Variants in FANCA observed in about 807,000 individuals in gnomAD.
FANCA encodes Fanconi anemia group A protein.
A neutral mutation model predicts 194.3 loss-of-function variants in FANCA; 236 were observed. The observed-to-expected ratio is 1.21, with a 90% CI of 1.09 to 1.35. The LOEUF (loss-of-function observed/expected upper bound fraction) is 1.35. FANCA is among the 40% of genes most tolerant of loss of function. The pLI, the probability that FANCA is intolerant of heterozygous loss-of-function variation, is 0.00. For missense variants in FANCA, 2,628 were observed against 1,813.9 expected, an observed-to-expected ratio of 1.45 and a Z score of -8.15; for synonymous variants, 1,014 against 715.8, an observed-to-expected ratio of 1.42 and a Z score of -6.65.
At position 89,785,853 on chromosome 16, in the gene FANCA, G is replaced by GTTTTTTT. The variant is rs370594051; in HGVS notation, c.1360-890_1360-889insAAAAAAA. Among the ~76,000 whole-genome samples the GTTTTTTT allele has an allele frequency of 2.4e-3, 277 of 113,138 alleles. 35 individuals carry two copies. Among genetic ancestry groups the GTTTTTTT allele is most frequent in the African/African-American group, 6.0e-3 (165 of 27,422 alleles). 74.2% of individuals were successfully genotyped at this position (113,138 alleles called of 152,430 possible). ...TCTTTCTGAAAGCGTGCAAAATTGT[G>GTTTTTTT]TTTTGTTTTTTTTTTTTTGGAGACA... On this transcript the variant is annotated intron_variant, in intron 14 of 42. Coordinates refer to ENST00000389301, the MANE Select transcript of FANCA (RefSeq NM_000135.4).
chr16:89,808,973 T>A (rs1166197671), intron 5 of FANCA, among the ~76,000 whole-genome samples: 1 of 151,900 alleles, frequency 6.6e-6, no homozygotes, highest in Non-Finnish European at 1.5e-5. Context: ...TGGCGCCATC[T>A]CGGGTCACTG....
chr16:89,798,611 C>T, intron 10 of FANCA: 11 of 1,159,744 alleles, frequency 9.5e-6, no homozygotes, highest in Non-Finnish European at 1.1e-5. Flanking sequence ...TGTCCACCTT[C>T]CACCCAGCCC....
At chr16:89,778,433 T>C (rs1255741219) in intron 20 of FANCA, 5 of 315,694 alleles carry the variant, frequency 1.6e-5, no homozygotes, top group Non-Finnish European at 2.9e-5. Flanking sequence ...GCAATTGCAC[T>C]CCAGCCTGGG....
intron 27 of FANCA, among the ~76,000 whole-genome samples, chr16:89,765,865 T>G (rs1253503530): frequency 6.6e-6 from 1 of 152,226 alleles, no homozygotes; most frequent in African/African-American, 2.4e-5. Context: ...TGGAAATACG[T>G]GCACCCTGGA....
chr16:89,746,491 C>T (rs1326964773), intron 35 of FANCA, 93 bp downstream of exon 35: 9 of 994,996 alleles, frequency 9.0e-6, no homozygotes, highest in South Asian at 1.3e-5. Flanking sequence ...TGGTAACACC[C>T]GTGATGGAGA....
At chr16:89,761,909 G>A (rs1232315075) in intron 29 of FANCA, 40 bp downstream of exon 29, 2 of 1,508,848 alleles carry the variant, frequency 1.3e-6, no homozygotes, top group African/African-American at 1.4e-5. Context: ...ATAGGTGTGA[G>A]CCATCATGCC....
rs1247134889 is a variant in FANCA at position 89,816,478 on chromosome 16, C to T, written c.79+59G>A. 8 of 1,403,204 alleles carry T rather than the reference C, an allele frequency of 5.7e-6. No individual in the cohort carries two copies. In the Admixed American group the frequency reaches 8.3e-5, roughly 15 times the overall value. 86.9% of individuals were successfully genotyped at this position (1,403,204 alleles called of 1,614,324 possible). ...CTCTGGCGGGAAGGGATCGGGGAAC[C>T]GGCGAAACCGTCCCGGGCCGGACGC... On this transcript the variant is annotated intron_variant, in intron 1 of 42. Transcript: ENST00000389301.
chr16:89,815,853 A>G (rs575724239), intron 2 of FANCA, 24 bp downstream of exon 2: 7 of 1,564,284 alleles, frequency 4.5e-6, no homozygotes, highest in South Asian at 1.1e-5. Context: ...ATCTGCCCGC[A>G]GACGGACACC....
At chr16:89,793,986 G>A (rs945746793) in intron 11 of FANCA, among the ~76,000 whole-genome samples, 9 of 151,988 alleles carry the variant, frequency 5.9e-5, no homozygotes, top group Non-Finnish European at 1.2e-4. Flanking sequence ...TTCTGACCTC[G>A]TGACCTGCCC....
Position 89,799,706 on chromosome 16 carries a change from C to T in FANCA, c.793-68G>A. ...TAATTTGTGTGATACCTGCATCACACAAGAGAATTATTACTTGTTACTCTA... is the reference window on the plus strand; with the variant it reads ...TAATTTGTGTGATACCTGCATCACATAAGAGAATTATTACTTGTTACTCTA... On this transcript the variant is annotated intron_variant, in intron 8 of 42. Transcript: ENST00000389301. 6.2e-6 allele frequency: 8 copies of T among 1,296,046 alleles called. No individual in the cohort carries two copies. The South Asian group carries it at 9.5e-5, about 15-fold the overall frequency. 80.3% of individuals were successfully genotyped at this position (1,296,046 alleles called of 1,614,324 possible). A position where few individuals can be genotyped will look rare whatever the true frequency, so the allele number is the denominator to read the frequency against.
chr16:89,749,466 A>T (rs548551982), intron 32 of FANCA, among the ~76,000 whole-genome samples: 1 of 152,134 alleles, frequency 6.6e-6, no homozygotes, highest in Non-Finnish European at 1.5e-5. Context: ...ACCTCAGGTG[A>T]TCCACTCACC....
At chr16:89,812,216 G>T (rs2040912114) in intron 3 of FANCA, among the ~76,000 whole-genome samples, 1 of 151,782 alleles carries the variant, frequency 6.6e-6, no homozygotes, top group Non-Finnish European at 1.5e-5. Context: ...ACGGGAGCCT[G>T]TAGTCCCAGC....
chr16:89,761,894 G>C, intron 29 of FANCA, 55 bp downstream of exon 29: 2 of 1,418,462 alleles, frequency 1.4e-6, no homozygotes, highest in Non-Finnish European at 2.0e-6. Flanking sequence ...CAAAGTGCTG[G>C]GATTATAGGT....
Position 89,742,856 on chromosome 16 carries a change from CTTG to C in FANCA, c.3706_3708del (p.Gln1236del), listed in dbSNP as rs1555535513. On this transcript the variant is annotated inframe_deletion, in exon 37 of 43. Transcript: ENST00000389301. The stretch of plus-strand genomic sequence containing the variant: ...TGCTTCCTGATGTTTTCTTCCCTGA[CTTG>C]TTGAATCGCAAAGTGCAGTGCAGCA... The C allele has an allele frequency of 6.2e-7, 1 of 1,614,160 alleles. No individual in the cohort carries two copies. The highest frequency in any genetic ancestry group is 2.2e-5 in the East Asian group (1 of 44,892).
chr16:89,812,789 C>T (rs2040948039), intron 3 of FANCA, among the ~76,000 whole-genome samples: 1 of 151,814 alleles, frequency 6.6e-6, no homozygotes, highest in Non-Finnish European at 1.5e-5. Context: ...AATCCCAACA[C>T]TGCAGGAGGC....
chr16:89,812,025 G>A lies in FANCA; in HGVS notation c.284-954C>T, dbSNP rs1038154685. On this transcript the variant is annotated intron_variant, in intron 3 of 42. Transcript: ENST00000389301. ...GGATTACAGGTGTGAGCCACCACGT[G>A]AGCCAAAATTAATTGTTTAAAGAAA... Among the ~76,000 whole-genome samples the A allele has an allele frequency of 2.7e-5, 4 of 150,146 alleles. No individual in the cohort carries two copies. In the South Asian group the frequency reaches 8.6e-4, roughly 32 times the overall value.
At chr16:89,759,393 C>T (rs2038873714) in intron 29 of FANCA, among the ~76,000 whole-genome samples, 1 of 149,336 alleles carries the variant, frequency 6.7e-6, no homozygotes, top group Non-Finnish European at 1.5e-5. Flanking sequence ...TACTCACAGG[C>T]CCACCAGAAG....
rs2151711931 is a variant in FANCA, at chr16:89,739,240, G to A, written c.4060C>T (p.Leu1354=). 1.9e-6 allele frequency: 3 copies of A among 1,614,188 alleles called. No individual in the cohort carries two copies. The Admixed American group carries it at 5.0e-5, about 27-fold the overall frequency. Residue 1354 remains leucine, a synonymous_variant, in exon 41 of 43, where the codon CTG becomes TTG. Coordinates refer to ENST00000389301, the MANE Select transcript of FANCA (RefSeq NM_000135.4). The stretch of plus-strand genomic sequence containing the variant: ...AAGTACATGTCCACAGCAACATGCA[G>A]GAAGGCCTCTTCCCTGATGGCCGCG... The part of the protein sequence containing the change: ...EDAAIREEAF[L]HVAVDMYLKL...
chr16:89,784,808 G>A, intron 15 of FANCA, 46 bp downstream of exon 15: 1 of 1,449,916 alleles, frequency 6.9e-7, no homozygotes, highest in Non-Finnish European at 9.7e-7. Flanking sequence ...GATGCAGCAG[G>A]TGAGCGAAGC....
Sources: gnomAD v4.1 joint callset for allele counts (sites outside exome capture counted in the v4.1 genomes callset) on GRCh38, gnomAD v4.1.1 for gene constraint, MANE v1.5 for transcripts, NCBI Gene and HGNC (gene_info 2026-07-23, HGNC 2026-07-21) for gene names.